The following WWOX variants were observed in gnomAD, a reference collection of about 807,000 sequenced individuals.
The protein encoded by WWOX is WW domain-containing oxidoreductase.
A neutral mutation model predicts 46.2 loss-of-function variants in WWOX; 69 were observed. The ratio of observed to expected loss-of-function variants is 1.49; its 90% CI spans 1.23 to 1.82. The LOEUF is 1.82. Ranked by LOEUF, WWOX falls within the 40% of genes most tolerant of loss-of-function variation. The pLI is 0.00. For missense variants in WWOX, 919 were observed against 542.6 expected (o/e 1.69, Z -6.89); for synonymous variants, 359 against 202.6 (o/e 1.77, Z -6.56).
At chr16:79,012,442 A>C (rs918232717) in intron 8 of WWOX, among the ~76,000 whole-genome samples, 1 of 152,190 alleles carries the variant, frequency 6.6e-6, no homozygotes, top group Non-Finnish European at 1.5e-5. Context: ...CACATTGGCC[A>C]GGCTGGTCTC....
At chr16:78,337,693 C>T (rs1299661706) in intron 5 of WWOX, among the ~76,000 whole-genome samples, 3 of 151,892 alleles carry the variant, frequency 2.0e-5, no homozygotes, top group Non-Finnish European at 4.4e-5. Flanking sequence ...CCAGCAAAGT[C>T]CTTCTGAGAA....
At chr16:78,579,745 C>T (rs1463506310) in intron 8 of WWOX, among the ~76,000 whole-genome samples, 1 of 152,102 alleles carries the variant, frequency 6.6e-6, no homozygotes, top group East Asian at 1.9e-4. Flanking sequence ...AAACAAATAT[C>T]ATCTGCCTTG....
At chr16:78,279,540 G>A (rs1219270298) in intron 5 of WWOX, among the ~76,000 whole-genome samples, 2 of 152,124 alleles carry the variant, frequency 1.3e-5, no homozygotes, top group African/African-American at 2.4e-5. Context: ...TTGTGATGGG[G>A]TGTTTCCAAA....
chr16:79,128,457 C>A lies in WWOX; in HGVS notation c.1057-83151C>A, dbSNP rs139330310. Reference sequence around the variant, plus strand: ...AGCAACCCTGTAAAGTCATTATCATCCCCCTGTTACAGGTAAGAAAATTAA... The same window carrying A: ...AGCAACCCTGTAAAGTCATTATCATACCCCTGTTACAGGTAAGAAAATTAA... On this transcript the variant is annotated intron_variant, in intron 8 of 8. Coordinates refer to ENST00000566780, the MANE Select transcript of WWOX (RefSeq NM_016373.4). 4.6e-4 allele frequency among the ~76,000 whole-genome samples: 70 copies of A among 152,030 alleles called. No homozygotes were observed. The Middle Eastern group carries it at 0.014, about 30-fold the overall frequency.
At chr16:78,558,685 C>T (rs1312910777) in intron 8 of WWOX, among the ~76,000 whole-genome samples, 5 of 152,226 alleles carry the variant, frequency 3.3e-5, no homozygotes, top group African/African-American at 1.2e-4. Flanking sequence ...TTCCAGCCTC[C>T]AATTCACTGA....
chr16:78,836,866 C>T (rs932395565), intron 8 of WWOX, among the ~76,000 whole-genome samples: 6 of 152,040 alleles, frequency 3.9e-5, no homozygotes, highest in Non-Finnish European at 8.8e-5. Flanking sequence ...GCATAGGGGG[C>T]CAAGCAGTAG....
rs554495544 is a variant in WWOX at position 78,103,583 on chromosome 16, C to T, written c.107+3698C>T. Among the ~76,000 whole-genome samples the T allele has an allele frequency of 4.6e-5, 7 of 152,232 alleles. No individual in the cohort carries two copies. The South Asian group carries it at 6.2e-4, about 14-fold the overall frequency. ...CATCCTAACCCGACATTCCCTTGAT[C>T]TCTCCTGATCTGTGAGCATCCTGGC... is the stretch of plus-strand genomic sequence containing the variant. On this transcript the variant is annotated intron_variant, in intron 1 of 8. Transcript: ENST00000566780.
chr16:78,513,958 C>G (rs1408804354), intron 8 of WWOX, among the ~76,000 whole-genome samples: 1 of 146,946 alleles, frequency 6.8e-6, no homozygotes, highest in Non-Finnish European at 1.5e-5. Flanking sequence ...TTGGGAAACT[C>G]TTCCCTTGCA....
At chr16:79,063,182 A>G (rs1034950227) in intron 8 of WWOX, among the ~76,000 whole-genome samples, 1 of 152,214 alleles carries the variant, frequency 6.6e-6, no homozygotes, top group Non-Finnish European at 1.5e-5. Context: ...GGGATAGGAA[A>G]TGTTCACATT....
chr16:78,509,970 C>G (rs1021378988), intron 8 of WWOX, among the ~76,000 whole-genome samples: 4 of 150,948 alleles, frequency 2.6e-5, no homozygotes, highest in African/African-American at 9.7e-5. Context: ...CATGGTGGCA[C>G]ATGCCTGTAG....
chr16:78,792,658 G>A (rs1368651823), intron 8 of WWOX, among the ~76,000 whole-genome samples: 1 of 152,176 alleles, frequency 6.6e-6, no homozygotes, highest in African/African-American at 2.4e-5. Context: ...GAAAGAGGAA[G>A]GATACCTTTG....
intron 8 of WWOX, among the ~76,000 whole-genome samples, chr16:78,801,904 T>C (rs2050900958): frequency 6.6e-6 from 1 of 152,198 alleles, no homozygotes. Context: ...GGTTTTGTGA[T>C]TTGGTGTAAA....
intron 4 of WWOX, among the ~76,000 whole-genome samples, chr16:78,159,422 A>T (rs904948528): frequency 1.1e-4 from 17 of 152,106 alleles, no homozygotes; most frequent in Admixed American, 7.9e-4. Context: ...ACCAATTTAC[A>T]TTCCACTAAG....
At chr16:78,935,673 T>C (rs1485588592) in intron 8 of WWOX, among the ~76,000 whole-genome samples, 1 of 151,682 alleles carries the variant, frequency 6.6e-6, no homozygotes, top group Admixed American at 6.6e-5. Flanking sequence ...AGTTAATGGG[T>C]GCAGCACACC....
At chr16:78,146,869 A>G (rs868751439) in intron 4 of WWOX, among the ~76,000 whole-genome samples, 1 of 152,178 alleles carries the variant, frequency 6.6e-6, no homozygotes, top group African/African-American at 2.4e-5. Context: ...TAAAGAGTAT[A>G]ATTTACTTCC....
intron 8 of WWOX, among the ~76,000 whole-genome samples, chr16:78,718,110 C>T (rs111743599): frequency 0.012 from 661 of 54,542 alleles, 21 homozygotes; most frequent in Admixed American, 0.079. Context: ...TTTGCCTCAA[C>T]GGTTATTTAT....
intron 8 of WWOX, among the ~76,000 whole-genome samples, chr16:78,922,417 C>T (rs945055423): frequency 1.8e-4 from 27 of 148,708 alleles, no homozygotes; most frequent in Admixed American, 8.7e-4. Context: ...CTCATTCTGT[C>T]GCTCAGGCTG....
chr16:78,283,338 C>T (rs1034909155), intron 5 of WWOX, among the ~76,000 whole-genome samples: 1 of 152,186 alleles, frequency 6.6e-6, no homozygotes, highest in African/African-American at 2.4e-5. Context: ...CCTCCAAGTG[C>T]AGGTGTACAG....
chr16:78,721,592 A>G (rs1009535629), intron 8 of WWOX, among the ~76,000 whole-genome samples: 1 of 152,172 alleles, frequency 6.6e-6, no homozygotes, highest in Non-Finnish European at 1.5e-5. Flanking sequence ...CACTTGTGTT[A>G]GAAATATTTT....
Sources: gnomAD v4.1 joint callset for allele counts (sites outside exome capture counted in the v4.1 genomes callset) on GRCh38, gnomAD v4.1.1 for gene constraint, MANE v1.5 for transcripts, NCBI Gene and HGNC (gene_info 2026-07-23, HGNC 2026-07-21) for gene names.